The following NTRK3 variants were observed in gnomAD, a reference collection of about 807,000 sequenced individuals.
NTRK3 encodes NT-3 growth factor receptor.
Under a neutral mutation model 91.7 loss-of-function variants are expected in NTRK3, and 24 were observed. That is an observed-to-expected ratio of 0.26 (90% confidence interval 0.19 to 0.37). NTRK3 has a LOEUF of 0.37. NTRK3 is among the 10% of genes least tolerant of loss of function. NTRK3 has a pLI of 1.00. For missense variants in NTRK3, 880 were observed against 1,068.9 expected, an observed-to-expected ratio of 0.82 and a Z score of 2.46; for synonymous variants, 483 against 404.0, an observed-to-expected ratio of 1.20 and a Z score of -2.34.
intron 3 of NTRK3, among the ~76,000 whole-genome samples, chr15:88,245,697 TACAC>T (rs34043028): frequency 1.3e-5 from 2 of 151,114 alleles, no homozygotes; most frequent in Non-Finnish European, 3.0e-5. Flanking sequence ...AAAATAGTTT[TACAC>T]ACACACACAC....
intron 13 of NTRK3, among the ~76,000 whole-genome samples, chr15:88,113,092 C>T (rs1474852584): frequency 6.6e-6 from 1 of 152,132 alleles, no homozygotes; most frequent in Middle Eastern, 3.2e-3. Context: ...TTCAGACCAA[C>T]CCAGTCATTA....
At chr15:88,206,054 C>T (rs1351969542) in intron 3 of NTRK3, 1 of 152,458 alleles carries the variant, frequency 6.6e-6, no homozygotes, top group Non-Finnish European at 1.5e-5. Flanking sequence ...TAAAACTCTC[C>T]AGAGGCCGGG....
chr15:88,040,494 A>C (rs1283294832), intron 13 of NTRK3, among the ~76,000 whole-genome samples: 2 of 152,236 alleles, frequency 1.3e-5, no homozygotes, highest in Admixed American at 1.3e-4. Flanking sequence ...CCTCCCAGGG[A>C]ATACACTGAT....
At chr15:87,966,646 G>C (rs1158226686) in intron 14 of NTRK3, among the ~76,000 whole-genome samples, 1 of 152,166 alleles carries the variant, frequency 6.6e-6, no homozygotes, top group Non-Finnish European at 1.5e-5. Flanking sequence ...CCCACCCTTA[G>C]AACAGATGAA....
chr15:88,209,314 C>G (rs959677016), intron 3 of NTRK3, among the ~76,000 whole-genome samples: 1 of 152,150 alleles, frequency 6.6e-6, no homozygotes, highest in African/African-American at 2.4e-5. Flanking sequence ...TAGGCAGCTG[C>G]CTACTGCCGC....
intron 5 of NTRK3, among the ~76,000 whole-genome samples, chr15:88,157,347 G>A (rs544850198): frequency 5.9e-5 from 9 of 151,800 alleles, no homozygotes; most frequent in African/African-American, 2.2e-4. Flanking sequence ...CTCTTCTTAG[G>A]GGGTCTGAGG....
chr15:87,929,438 C>CAAG lies in NTRK3; in HGVS notation c.1890-7_1890-5dup. 6.2e-7 allele frequency: 1 copy of CAAG among 1,613,698 alleles called. No homozygotes were observed. Among genetic ancestry groups the CAAG allele is most frequent in the Non-Finnish European group, 8.5e-7 (1 of 1,179,794 alleles). On this transcript the variant is annotated splice_region_variant and splice_polypyrimidine_tract_variant and intron_variant, in intron 16 of 18. Transcript: ENST00000394480. ...CATTGCATCTGGCCCATGGGCCCTG[C>CAAG]AAGAGCATGGGGAGAAGAGAGGGGG... is the stretch of plus-strand genomic sequence containing the variant.
intron 14 of NTRK3, among the ~76,000 whole-genome samples, chr15:87,967,217 A>C (rs1168411498): frequency 6.6e-6 from 1 of 152,208 alleles, no homozygotes; most frequent in Non-Finnish European, 1.5e-5. Flanking sequence ...ATAATCCCAC[A>C]GAAGGGCAGT....
intron 14 of NTRK3, among the ~76,000 whole-genome samples, chr15:88,026,157 G>A (rs2078020766): frequency 6.6e-6 from 1 of 152,028 alleles, no homozygotes; most frequent in Non-Finnish European, 1.5e-5. Context: ...TGTAGTCCCA[G>A]CTACTCAGGA....
At chr15:88,052,287 T>A (rs768701937) in intron 13 of NTRK3, among the ~76,000 whole-genome samples, 17 of 152,172 alleles carry the variant, frequency 1.1e-4, no homozygotes, top group Non-Finnish European at 1.9e-4. Flanking sequence ...GGGTGAGACA[T>A]CAGCATGGCT....
intron 13 of NTRK3, among the ~76,000 whole-genome samples, chr15:88,059,759 A>AAC (rs2046041938): frequency 6.6e-6 from 1 of 152,212 alleles, no homozygotes; most frequent in Admixed American, 6.5e-5. Context: ...TTAATGTTAT[A>AAC]ACACCCAGGG....
chr15:88,210,414 G>A (rs2049141640), intron 3 of NTRK3, among the ~76,000 whole-genome samples: 1 of 152,166 alleles, frequency 6.6e-6, no homozygotes, highest in Non-Finnish European at 1.5e-5. Flanking sequence ...CTAGCCTCAG[G>A]TTTTCAAAGA....
intron 13 of NTRK3, among the ~76,000 whole-genome samples, chr15:88,119,521 A>C (rs2052473216): frequency 6.6e-6 from 1 of 152,212 alleles, no homozygotes; most frequent in Non-Finnish European, 1.5e-5. Context: ...TTAGGAGAAT[A>C]CGAGGACCCT....
intron 14 of NTRK3, among the ~76,000 whole-genome samples, chr15:87,965,949 G>A (rs907302783): frequency 6.6e-6 from 1 of 151,900 alleles, no homozygotes; most frequent in East Asian, 1.9e-4. Context: ...GTGGTGGCGG[G>A]CACCTGTAAT....
chr15:88,018,237 C>T (rs1007591451), intron 14 of NTRK3, among the ~76,000 whole-genome samples: 4 of 152,164 alleles, frequency 2.6e-5, no homozygotes, highest in Non-Finnish European at 5.9e-5. Flanking sequence ...GGTGGACACA[C>T]GGAGGGGGAT....
At chr15:87,985,486 T>A (rs1044119746) in intron 14 of NTRK3, among the ~76,000 whole-genome samples, 1 of 152,190 alleles carries the variant, frequency 6.6e-6, no homozygotes, top group Admixed American at 6.5e-5. Context: ...AATGTCCCTG[T>A]TGTATACTGT....
intron 18 of NTRK3, among the ~76,000 whole-genome samples, chr15:87,878,747 G>GT (rs1464569449): frequency 2.0e-5 from 3 of 152,228 alleles, no homozygotes; most frequent in Non-Finnish European, 4.4e-5. Context: ...CAATGCCTCT[G>GT]TGAGTCTTAG....
chr15:88,028,921 A>G (rs1269375239), intron 14 of NTRK3, among the ~76,000 whole-genome samples: 2 of 152,228 alleles, frequency 1.3e-5, no homozygotes, highest in African/African-American at 4.8e-5. Context: ...GCCCTCATCC[A>G]TGAACAACTT....
exon 19 of NTRK3, chr15:87,870,179 G>A (rs2064788181): frequency 1.1e-5 from 2 of 177,192 alleles, no homozygotes; most frequent in African/African-American, 5.2e-5. Context: ...AAGAAACTGT[G>A]GTACACACAC....
Sources: allele counts gnomAD v4.1 joint callset (sites outside exome capture counted in the v4.1 genomes callset), GRCh38; gene constraint gnomAD v4.1.1; transcripts MANE v1.5; gene names NCBI Gene and HGNC (gene_info 2026-07-23, HGNC 2026-07-21).